Variants in SASS6 observed in about 807,000 individuals in gnomAD.
The protein encoded by SASS6 is spindle assembly abnormal protein 6 homolog.
A neutral mutation model predicts 94.9 loss-of-function variants in SASS6; 59 were observed. The ratio of observed to expected loss-of-function variants is 0.62; its 90% CI spans 0.50 to 0.77. The LOEUF is 0.77. SASS6 is among the 30% of genes least tolerant of loss of function. SASS6 has a pLI of 0.00. For synonymous variants in SASS6, 264 were observed against 270.0 expected (o/e 0.98, Z 0.22); for missense variants, 698 against 734.1 (o/e 0.95, Z 0.57).
rs1358521125 is a variant in SASS6, at chr1:100,103,073, C to T, written c.1556G>A (p.Arg519Lys). The T allele has an allele frequency of 1.3e-6, 2 of 1,589,018 alleles. No individual in the cohort carries two copies. The highest frequency in any genetic ancestry group is 2.3e-5 in the South Asian group (2 of 88,658). The change falls in exon 14 of 17, where the codon AGA (arginine) becomes AAA (lysine). Residue 519 changes from arginine to lysine, a missense_variant. Coordinates refer to ENST00000287482, the MANE Select transcript of SASS6 (RefSeq NM_194292.3). Reference sequence around the variant, plus strand: ...AATCCCACAGGTTGGGTAAGTCAGTCTACCATCAACCTAAAAATAAAAACA... The same window carrying T: ...AATCCCACAGGTTGGGTAAGTCAGTTTACCATCAACCTAAAAATAAAAACA... ...ISPNLNVVDGRLTYPTCGIGY... is the reference protein window; with the variant it reads ...ISPNLNVVDGKLTYPTCGIGY...
At chr1:100,124,998 A>G (rs935997513) in intron 2 of SASS6, among the ~76,000 whole-genome samples, 1 of 152,114 alleles carries the variant, frequency 6.6e-6, no homozygotes, top group Admixed American at 6.5e-5. Flanking sequence ...GGCTCCTAAC[A>G]GGCCACAGAC....
intron 1 of SASS6, among the ~76,000 whole-genome samples, chr1:100,126,355 C>T (rs568114488): frequency 6.6e-6 from 1 of 152,154 alleles, no homozygotes; most frequent in Admixed American, 6.5e-5. Context: ...ACCTCATATA[C>T]CCTTACTGCC....
chr1:100,116,885 A>G (rs1473191058), intron 7 of SASS6, among the ~76,000 whole-genome samples: 1 of 152,186 alleles, frequency 6.6e-6, no homozygotes, highest in East Asian at 1.9e-4. Context: ...GGGGTGGTCC[A>G]ATTTCTTTAT....
intron 14 of SASS6, among the ~76,000 whole-genome samples, chr1:100,097,262 G>A (rs1652168873): frequency 1.3e-5 from 2 of 152,232 alleles, no homozygotes; most frequent in South Asian, 4.1e-4. Context: ...GGAAAAGTTT[G>A]GTAATTTCTT....
chr1:100,090,286 T>G (rs1431600732), intron 14 of SASS6, among the ~76,000 whole-genome samples: 1 of 152,038 alleles, frequency 6.6e-6, no homozygotes, highest in Non-Finnish European at 1.5e-5. Flanking sequence ...AATGAGTCAA[T>G]TATAAATATC....
chr1:100,093,729 C>A (rs1454681294), intron 14 of SASS6, among the ~76,000 whole-genome samples: 1 of 151,946 alleles, frequency 6.6e-6, no homozygotes, highest in Non-Finnish European at 1.5e-5. Flanking sequence ...CCACTGTACT[C>A]CAGTCTGGGG....
intron 1 of SASS6, among the ~76,000 whole-genome samples, chr1:100,131,857 A>C (rs1239430088): frequency 6.6e-6 from 1 of 152,208 alleles, no homozygotes; most frequent in African/African-American, 2.4e-5. Flanking sequence ...AAACACGTGA[A>C]TACGCAAAAG....
intron 1 of SASS6, among the ~76,000 whole-genome samples, chr1:100,129,236 CTAAAA>C (rs2101696872): frequency 6.7e-6 from 1 of 149,132 alleles, no homozygotes; most frequent in South Asian, 2.1e-4. Flanking sequence ...CAGCCTCTCT[CTAAAA>C]AAAAAAAAAT....
intron 4 of SASS6, 145 bp downstream of exon 4, chr1:100,122,235 G>C: frequency 4.6e-6 from 2 of 433,670 alleles, no homozygotes. Flanking sequence ...CTTAAAGTCT[G>C]AGATTTAATG....
At chr1:100,117,694 G>A in intron 7 of SASS6, among the ~76,000 whole-genome samples, 1 of 150,686 alleles carries the variant, frequency 6.6e-6, no homozygotes, top group African/African-American at 2.4e-5. Context: ...CAGAAAAAGG[G>A]ATGAAAAGAC....
In SASS6 at chr1:100,125,898, T is replaced by A; in HGVS notation, c.110A>T (p.Asn37Ile). 1 of 1,550,730 alleles carries A rather than the reference T, an allele frequency of 6.4e-7. No individual in the cohort carries two copies. Among genetic ancestry groups the A allele is most frequent in the Admixed American group, 1.8e-5 (1 of 55,408 alleles). Residue 37 changes from asparagine to isoleucine, a missense_variant, in exon 2 of 17, where the codon AAT becomes ATT. Coordinates refer to ENST00000287482, the MANE Select transcript of SASS6 (RefSeq NM_194292.3). ...AATACCAACCTTTCTGTGAACTGGATTAGAAACTGATTGTAGTTCAATGCT... is the reference window on the plus strand; with the variant it reads ...AATACCAACCTTTCTGTGAACTGGAATAGAAACTGATTGTAGTTCAATGCT... ...RMSIELQSVSNPVHRKDLVIR... is the reference protein window; with the variant it reads ...RMSIELQSVSIPVHRKDLVIR...
chr1:100,122,549 CTTT>C (rs71075469), intron 3 of SASS6, 65 bp from the exon 4 acceptor site: 2,122 of 222,260 alleles, frequency 9.5e-3, no homozygotes, highest in South Asian at 0.016. Context: ...GTTTTGGTGC[CTTT>C]TTTTTTTTTT....
At chr1:100,104,874 G>C (rs886624034) in intron 13 of SASS6, among the ~76,000 whole-genome samples, 1 of 151,296 alleles carries the variant, frequency 6.6e-6, no homozygotes, top group Non-Finnish European at 1.5e-5. Context: ...GATTGCCTGA[G>C]CCCAGGAGGT....
intron 3 of SASS6, 65 bp from the exon 4 acceptor site, chr1:100,122,549 C>CTTTTTTT (rs71075469): frequency 5.4e-5 from 12 of 224,078 alleles, no homozygotes; most frequent in African/African-American, 1.4e-4. Context: ...GTTTTGGTGC[C>CTTTTTTT]TTTTTTTTTT....
intron 7 of SASS6, among the ~76,000 whole-genome samples, chr1:100,118,615 C>T (rs558734077): frequency 3.9e-5 from 6 of 152,122 alleles, no homozygotes; most frequent in Non-Finnish European, 5.9e-5. Context: ...TCTGCAGTCA[C>T]TAAAAAGGAA....
chr1:100,119,688 A>G (rs1169321556), intron 6 of SASS6, among the ~76,000 whole-genome samples: 1 of 152,186 alleles, frequency 6.6e-6, no homozygotes, highest in Non-Finnish European at 1.5e-5. Flanking sequence ...CAGTTAGTTC[A>G]TATGAGATCT....
chr1:100,093,191 T>C (rs1225902357), intron 14 of SASS6, among the ~76,000 whole-genome samples: 2 of 142,014 alleles, frequency 1.4e-5, no homozygotes, highest in Middle Eastern at 3.5e-3. Context: ...TTTTTTTTTT[T>C]TTTTTTTGTG....
rs1651103546 is a variant in SASS6 at position 100,084,672 on chromosome 1, G to A, written c.*656C>T. On this transcript the variant is annotated 3_prime_UTR_variant, in exon 17 of 17. Coordinates refer to ENST00000287482, the MANE Select transcript of SASS6 (RefSeq NM_194292.3). The stretch of plus-strand genomic sequence containing the variant: ...GCACTGAAGTTTTAAAAACTTGTCA[G>A]CTCAAATGACAAAAGCACTTAATCT... The A allele has an allele frequency of 6.6e-6, 1 of 152,078 alleles. No individual in the cohort carries two copies. Among genetic ancestry groups the A allele is most frequent in the Non-Finnish European group, 1.5e-5 (1 of 67,964 alleles). The allele number at this position is 152,078 out of a possible 1,614,324, so 9.4% of individuals were successfully genotyped here.
chr1:100,124,105 G>GA (rs1332256670), intron 2 of SASS6, among the ~76,000 whole-genome samples: 3 of 152,182 alleles, frequency 2.0e-5, no homozygotes, highest in African/African-American at 7.2e-5. Context: ...TAAGATCCTA[G>GA]AAAAATCTAA....
Sources: gnomAD v4.1 joint callset for allele counts (sites outside exome capture counted in the v4.1 genomes callset) on GRCh38, gnomAD v4.1.1 for gene constraint, MANE v1.5 for transcripts, NCBI Gene and HGNC (gene_info 2026-07-23, HGNC 2026-07-21) for gene names.